SNRNP40: variants seen among roughly 807,000 people sequenced by gnomAD.
SNRNP40 encodes the protein U5 small nuclear ribonucleoprotein 40 kDa protein.
SNRNP40 carries 21 observed loss-of-function variants against 45.8 expected under a neutral mutation model. That is an observed-to-expected ratio of 0.46 (90% CI 0.32 to 0.66). The LOEUF is 0.66. Among genes scored for constraint, SNRNP40 ranks in the 30% least tolerant of loss-of-function variants. The pLI is 0.03. For missense variants in SNRNP40, 344 were observed against 439.1 expected (o/e 0.78, Z 1.94); for synonymous variants, 142 against 163.8 (o/e 0.87, Z 1.01).
At chr1:31,294,940 CT>C (rs932099626) in intron 1 of SNRNP40, among the ~76,000 whole-genome samples, 22 of 144,900 alleles carry the variant, frequency 1.5e-4, no homozygotes, top group African/African-American at 5.4e-4. Flanking sequence ...AAAATTCCAT[CT>C]TAAAAAAAAA....
In SNRNP40 at chr1:31,296,757, C is replaced by A. The variant is rs1646167054; in HGVS notation, c.-6G>T. ...CGCTTCTGCTGTTCTATCATGGCGG[C>A]AACCGGTCTCTTCAGCGCCGCCACT... On this transcript the variant is annotated 5_prime_UTR_variant, in exon 1 of 10. Transcript: ENST00000263694. 1 of 1,594,096 alleles carries A rather than the reference C, an allele frequency of 6.3e-7. No individual in the cohort carries two copies. Among genetic ancestry groups the A allele is most frequent in the Middle Eastern group, 1.7e-4 (1 of 5,984 alleles).
intron 4 of SNRNP40, among the ~76,000 whole-genome samples, 159 bp downstream of exon 4, chr1:31,289,095 T>C (rs1646083824): frequency 6.6e-6 from 1 of 152,256 alleles, no homozygotes; most frequent in African/African-American, 2.4e-5. Flanking sequence ...AAACTTGTAT[T>C]AAATGTTTTA....
intron 9 of SNRNP40, chr1:31,261,259 G>A (rs1213033777): frequency 2.3e-6 from 1 of 429,102 alleles, no homozygotes; most frequent in East Asian, 4.9e-5. Flanking sequence ...GCTGAGGCAG[G>A]AGAACTGCTT....
chr1:31,272,144 T>C (rs1213083149), intron 5 of SNRNP40, among the ~76,000 whole-genome samples: 2 of 152,136 alleles, frequency 1.3e-5, no homozygotes, highest in African/African-American at 4.8e-5. Flanking sequence ...TATAAATACA[T>C]AAAACGAACA....
chr1:31,262,910 G>C (rs1309244908), intron 8 of SNRNP40, among the ~76,000 whole-genome samples: 2 of 151,842 alleles, frequency 1.3e-5, no homozygotes, highest in African/African-American at 4.8e-5. Flanking sequence ...GCCAAGGTGG[G>C]AGGACTGATT....
intron 3 of SNRNP40, among the ~76,000 whole-genome samples, chr1:31,290,369 T>C (rs984746921): frequency 1.9e-4 from 29 of 152,158 alleles, no homozygotes; most frequent in African/African-American, 6.5e-4. Flanking sequence ...TACAATGCTA[T>C]GTATCAATTG....
In SNRNP40 at chr1:31,296,593, G is replaced by T. The variant is rs767307184; in HGVS notation, c.141+18C>A. 6.9e-6 allele frequency: 11 copies of T among 1,600,922 alleles called. No individual in the cohort carries two copies. The highest frequency in any genetic ancestry group is 2.2e-5 in the East Asian group (1 of 44,776). On this transcript the variant is annotated intron_variant, in intron 1 of 9. Transcript: ENST00000263694. ...GAAGATGAGCTGAGGGCCAAAGGCC[G>T]CCTGCTTCTTCACTTACCGCTTGCA...
intron 4 of SNRNP40, 171 bp from the exon 5 acceptor site, chr1:31,281,667 C>A: frequency 2.1e-6 from 1 of 476,672 alleles, no homozygotes; most frequent in East Asian, 3.3e-5. Context: ...GCAGTGTGCT[C>A]AATTTTGCCA....
intron 4 of SNRNP40, among the ~76,000 whole-genome samples, chr1:31,282,730 C>T (rs577730341): frequency 1.3e-3 from 202 of 152,222 alleles, no homozygotes; most frequent in African/African-American, 4.5e-3. Flanking sequence ...GGCCGGAGTG[C>T]GGTGGTGCGA....
chr1:31,295,987 T>C (rs1161745108), intron 1 of SNRNP40, among the ~76,000 whole-genome samples: 2 of 152,236 alleles, frequency 1.3e-5, no homozygotes, highest in Non-Finnish European at 2.9e-5. Context: ...ACAAAAAATG[T>C]AGTTAGGAGC....
chr1:31,269,149 A>G lies in SNRNP40; in HGVS notation c.858+9T>C. ...GAACAGTAAAACTCCTCTGCCATGCAGAACTCACCTTTTCAAAGTTGTGCA... is the reference window on the plus strand; with the variant it reads ...GAACAGTAAAACTCCTCTGCCATGCGGAACTCACCTTTTCAAAGTTGTGCA... On this transcript the variant is annotated intron_variant, in intron 7 of 9. Coordinates refer to ENST00000263694, the MANE Select transcript of SNRNP40 (RefSeq NM_004814.3). 6 of 1,589,274 alleles carry G rather than the reference A, an allele frequency of 3.8e-6. No individual in the cohort carries two copies. Among genetic ancestry groups the G allele is most frequent in the Non-Finnish European group, 5.1e-6 (6 of 1,169,604 alleles).
intron 1 of SNRNP40, among the ~76,000 whole-genome samples, chr1:31,296,060 A>G (rs1017003177): frequency 6.6e-6 from 1 of 152,234 alleles, no homozygotes; most frequent in Non-Finnish European, 1.5e-5. Flanking sequence ...TTCCATCTGC[A>G]AAATGGGTTA....
At chr1:31,263,910 G>C (rs1456852412) in intron 8 of SNRNP40, among the ~76,000 whole-genome samples, 1 of 96,840 alleles carries the variant, frequency 1.0e-5, no homozygotes, top group Non-Finnish European at 2.2e-5. Context: ...TAAATGTACT[G>C]GCTAAAAAAA....
intron 1 of SNRNP40, 44 bp from the exon 2 acceptor site, chr1:31,293,392 A>G: frequency 6.5e-7 from 1 of 1,543,306 alleles, no homozygotes; most frequent in Non-Finnish European, 8.7e-7. Flanking sequence ...ATACAGACAA[A>G]GGAGGCTACA....
intron 7 of SNRNP40, 136 bp downstream of exon 7, chr1:31,269,022 C>A (rs547718860): frequency 1.3e-6 from 1 of 786,638 alleles, no homozygotes; most frequent in Non-Finnish European, 1.9e-6. Context: ...TTTTTGGCAA[C>A]AAGTTTTAAT....
Position 31,269,194 on chromosome 1 carries a change from T to A in SNRNP40, c.822A>T (p.Val274=). 1 of 1,612,206 alleles carries A rather than the reference T, an allele frequency of 6.2e-7. No homozygotes were observed. The highest frequency in any genetic ancestry group is 8.5e-7 in the Non-Finnish European group (1 of 1,179,406). Residue 274 remains valine (V), a synonymous_variant, in exon 7 of 10, where the codon GTA becomes GTT. Coordinates refer to ENST00000263694, the MANE Select transcript of SNRNP40 (RefSeq NM_004814.3). The stretch of plus-strand genomic sequence containing the variant: ...TGTGCACATTTCCTTGAAATATCTT[T>A]ACACATCTCTCTTTGGGGGCAAATG... ...VRPFAPKERC[V]KIFQGNVHNF...
intron 1 of SNRNP40, among the ~76,000 whole-genome samples, chr1:31,295,768 G>A (rs1252133787): frequency 6.6e-6 from 1 of 152,214 alleles, no homozygotes; most frequent in Non-Finnish European, 1.5e-5. Flanking sequence ...GTAGAAAGTG[G>A]AAGACCAGTT....
At chr1:31,285,850 T>C (rs974031452) in intron 4 of SNRNP40, among the ~76,000 whole-genome samples, 4 of 152,234 alleles carry the variant, frequency 2.6e-5, no homozygotes, top group Admixed American at 2.0e-4. Flanking sequence ...AGATTTAAGT[T>C]ATACATCTTT....
chr1:31,284,676 T>C (rs971969856), intron 4 of SNRNP40, among the ~76,000 whole-genome samples: 24 of 152,192 alleles, frequency 1.6e-4, no homozygotes, highest in Non-Finnish European at 3.4e-4. Context: ...GAATCAGCCA[T>C]GGAACTTTAG....
Sources: allele counts gnomAD v4.1 joint callset (sites outside exome capture counted in the v4.1 genomes callset), GRCh38; gene constraint gnomAD v4.1.1; transcripts MANE v1.5; gene names NCBI Gene and HGNC (gene_info 2026-07-23, HGNC 2026-07-21).